Variants in EHMT1 observed in about 807,000 individuals in gnomAD.
EHMT1 encodes the protein euchromatic histone lysine methyltransferase 1.
A neutral mutation model predicts 147.2 loss-of-function variants in EHMT1; 15 were observed. The ratio of observed to expected loss-of-function variants is 0.10; its 90% CI spans 0.07 to 0.16. The LOEUF is 0.16. EHMT1 is among the 10% of genes least tolerant of loss of function. EHMT1 has a pLI of 1.00. For missense variants in EHMT1, 1,587 were observed against 1,772.4 expected, an observed-to-expected ratio of 0.90 and a Z score of 1.88; for synonymous variants, 795 against 709.6, an observed-to-expected ratio of 1.12 and a Z score of -1.91.
At chr9:137,688,319 C>T (rs2134762358) in intron 1 of EHMT1, among the ~76,000 whole-genome samples, 1 of 152,336 alleles carries the variant, frequency 6.6e-6, no homozygotes, top group South Asian at 2.1e-4. Context: ...CCATTGTGCC[C>T]AGCGTGGAAC....
chr9:137,669,317 A>C, intron 1 of EHMT1, among the ~76,000 whole-genome samples: 1 of 144,936 alleles, frequency 6.9e-6, no homozygotes, highest in Non-Finnish European at 1.5e-5. Flanking sequence ...ACCCCTGGAA[A>C]GACGCCCCCA....
chr9:137,827,090 C>A (rs185416746), intron 25 of EHMT1, among the ~76,000 whole-genome samples: 1 of 152,292 alleles, frequency 6.6e-6, no homozygotes, highest in East Asian at 1.9e-4. Flanking sequence ...TCTGTGCTTC[C>A]TTCTCCTGTC....
rs117982614 is a variant in EHMT1 at position 137,787,353 on chromosome 9, C to T, written c.2383-3495C>T. 2.8e-3 allele frequency: 452 copies of T among 160,386 alleles called. No individual in the cohort carries two copies. The highest frequency in any genetic ancestry group is 4.7e-3 in the Non-Finnish European group (347 of 73,454). 9.9% of individuals were successfully genotyped at this position (160,386 alleles called of 1,614,324 possible). ...CCAGGCTGCATCTGCCATTCGGTGA[C>T]GGCTGGTGACGGATGGATGGGTAGT... On this transcript the variant is annotated intron_variant, in intron 15 of 26. Transcript: ENST00000460843. This position sits in a 1 kb window ranked among gnomAD's most constrained non-coding sequence, Gnocchi z 4.2.
At chr9:137,756,669 G>C (rs532276946) in intron 8 of EHMT1, among the ~76,000 whole-genome samples, 1 of 152,186 alleles carries the variant, frequency 6.6e-6, no homozygotes, top group African/African-American at 2.4e-5. Context: ...GCCAACAAAA[G>C]CATTTTAGAG....
intron 4 of EHMT1, among the ~76,000 whole-genome samples, chr9:137,729,593 A>C (rs980379639): frequency 1.3e-5 from 2 of 152,024 alleles, no homozygotes; most frequent in Non-Finnish European, 2.9e-5. Flanking sequence ...TCTCAAAAAA[A>C]AAAAAATTTT....
chr9:137,747,702 T>C (rs1948661151), intron 6 of EHMT1: 1 of 152,230 alleles, frequency 6.6e-6, no homozygotes, highest in Non-Finnish European at 1.5e-5. Context: ...TGTGATTGCA[T>C]GTATGACAAC....
At chr9:137,773,559 TTCTGTTATTGC>T (rs1488381973) in intron 10 of EHMT1, among the ~76,000 whole-genome samples, 1 of 152,360 alleles carries the variant, frequency 6.6e-6, no homozygotes, top group Non-Finnish European at 1.5e-5. Flanking sequence ...GTTCCTACTT[TTCTGTTATTGC>T]AAAAGCTGGG....
intron 2 of EHMT1, among the ~76,000 whole-genome samples, chr9:137,712,264 C>T (rs1441156459): frequency 2.0e-5 from 3 of 152,230 alleles, no homozygotes; most frequent in Admixed American, 6.5e-5. Context: ...TCCTACGTGA[C>T]ACCAGATGCC....
intron 1 of EHMT1, among the ~76,000 whole-genome samples, chr9:137,706,287 G>A (rs1944268209): frequency 6.6e-6 from 1 of 152,228 alleles, no homozygotes. Flanking sequence ...TGCAGTGCGG[G>A]GTCTGAGTCC....
chr9:137,619,169 T>C (rs923636380), intron 1 of EHMT1, 120 bp downstream of exon 1: 1 of 144,198 alleles, frequency 6.9e-6, no homozygotes, highest in Non-Finnish European at 1.3e-5. Context: ...GGGCCCCGGG[T>C]CCCCCCGCCG....
chr9:137,633,846 A>G (rs576408872), intron 1 of EHMT1, among the ~76,000 whole-genome samples: 3 of 145,880 alleles, frequency 2.1e-5, no homozygotes, highest in Non-Finnish European at 4.5e-5. Context: ...TTTTTGAGAC[A>G]GTCTCGCTCT....
chr9:137,662,789 TTTA>T lies in EHMT1; in HGVS notation c.21+43743_21+43745del, dbSNP rs1425365724. On this transcript the variant is annotated intron_variant, in intron 1 of 26. Transcript: ENST00000460843. ...GGCTGGCCTGAATTTTATTTATTTA[TTTA>T]TTTATTTATTTATTTATTTTTGACA... Among the ~76,000 whole-genome samples the T allele has an allele frequency of 1.2e-4, 17 of 146,190 alleles. No individual in the cohort carries two copies. The East Asian group carries it at 3.5e-3, about 30-fold the overall frequency.
At chr9:137,702,441 T>C (rs1449446510) in intron 1 of EHMT1, among the ~76,000 whole-genome samples, 1 of 152,196 alleles carries the variant, frequency 6.6e-6, no homozygotes, top group African/African-American at 2.4e-5. Context: ...TCCATGTAAG[T>C]CTGAAACCCA....
At chr9:137,682,860 G>A (rs1010505064) in intron 1 of EHMT1, among the ~76,000 whole-genome samples, 3 of 152,212 alleles carry the variant, frequency 2.0e-5, no homozygotes, top group Non-Finnish European at 2.9e-5. Context: ...CCCCTAGGAC[G>A]ATGGGTCACT....
chr9:137,766,331 C>T (rs553409974), intron 10 of EHMT1, among the ~76,000 whole-genome samples: 98 of 152,316 alleles, frequency 6.4e-4, no homozygotes, highest in African/African-American at 2.3e-3. Flanking sequence ...AGACATATCT[C>T]AGGCCAGGCA....
intron 10 of EHMT1, among the ~76,000 whole-genome samples, chr9:137,765,677 G>GCCC: frequency 6.6e-4 from 1 of 1,510 alleles, no homozygotes; most frequent in East Asian, 0.028. Context: ...CCCCGCCCCC[G>GCCC]CCGCCCCAGC....
intron 14 of EHMT1, among the ~76,000 whole-genome samples, chr9:137,781,274 G>GATGACGACGCTGGGACGT (rs1951502685): frequency 8.0e-6 from 1 of 125,782 alleles, no homozygotes; most frequent in Non-Finnish European, 1.6e-5. Flanking sequence ...TGGGACGTGT[G>GATGACGACGCTGGGACGT]GTGATGACGC....
At chr9:137,819,848 G>T (rs927031890) in intron 25 of EHMT1, among the ~76,000 whole-genome samples, 1 of 151,966 alleles carries the variant, frequency 6.6e-6, no homozygotes, top group African/African-American at 2.4e-5. Context: ...GGGCCACTCC[G>T]GGAGCCTGGT....
chr9:137,817,327 G>A, intron 23 of EHMT1, 112 bp from the exon 24 acceptor site: 1 of 1,235,260 alleles, frequency 8.1e-7, no homozygotes, highest in Non-Finnish European at 1.2e-6. Context: ...TTCGGATACA[G>A]AACCAGTTTT....
Sources: allele counts gnomAD v4.1 joint callset (sites outside exome capture counted in the v4.1 genomes callset), GRCh38; gene constraint gnomAD v4.1.1; non-coding constraint Gnocchi (gnomAD v3.1); transcripts MANE v1.5; gene names NCBI Gene and HGNC (gene_info 2026-07-23, HGNC 2026-07-21).